Variants in ACP6 observed in about 807,000 individuals in gnomAD.
ACP6 encodes acid phosphatase 6, lysophosphatidic.
Under a neutral mutation model 48.1 loss-of-function variants are expected in ACP6, and 48 were observed. The ratio of observed to expected loss-of-function variants is 1.00; its 90% CI spans 0.79 to 1.27. The LOEUF is 1.27. ACP6 is among the 50% of genes most tolerant of loss of function. ACP6 has a pLI of 0.00. For missense variants in ACP6, 485 were observed against 529.1 expected, an observed-to-expected ratio of 0.92 and a Z score of 0.82; for synonymous variants, 172 against 204.2, an observed-to-expected ratio of 0.84 and a Z score of 1.34.
chr1:147,644,315 A>G lies in ACP6; in HGVS notation c.*3108T>C, dbSNP rs1659544931. 1 of 152,248 alleles carries G rather than the reference A, an allele frequency of 6.6e-6. No individual in the cohort carries two copies. The highest frequency in any genetic ancestry group is 1.5e-5 in the Non-Finnish European group (1 of 68,050). The allele number at this position is 152,248 out of a possible 1,614,324, so 9.4% of individuals were successfully genotyped here. ...ATTATCTGTCAACTAAAAAGAAAGT[A>G]AAAAGTTTTTATTACAAAAAAGAAG... On this transcript the variant is annotated 3_prime_UTR_variant, in exon 10 of 10. Coordinates refer to ENST00000583509, the MANE Select transcript of ACP6 (RefSeq NM_016361.5).
intron 7 of ACP6, 86 bp downstream of exon 7, chr1:147,652,363 G>A (rs1326574914): frequency 2.3e-6 from 3 of 1,332,192 alleles, no homozygotes; most frequent in African/African-American, 1.5e-5. Flanking sequence ...GCTGTCAGGT[G>A]TGAGTGGGCC....
chr1:147,659,345 T>C (rs781881451), intron 3 of ACP6, 51 bp downstream of exon 3: 4 of 1,593,972 alleles, frequency 2.5e-6, no homozygotes, highest in African/African-American at 1.3e-5. Flanking sequence ...ACAGGTATCC[T>C]CATGTTCAAG....
intron 4 of ACP6, among the ~76,000 whole-genome samples, chr1:147,658,500 A>G (rs1464818196): frequency 6.6e-6 from 1 of 152,234 alleles, no homozygotes; most frequent in East Asian, 1.9e-4. Flanking sequence ...GGCTGAATGT[A>G]TCAAAACCCA....
Position 147,648,226 on chromosome 1 carries a change from C to A in ACP6, c.1143+20G>T. The A allele has an allele frequency of 6.2e-7, 1 of 1,613,162 alleles. No homozygotes were observed. Among genetic ancestry groups the A allele is most frequent in the African/African-American group, 1.3e-5 (1 of 75,024 alleles). On this transcript the variant is annotated intron_variant, in intron 9 of 9. Coordinates refer to ENST00000583509, the MANE Select transcript of ACP6 (RefSeq NM_016361.5). Reference sequence around the variant, plus strand: ...AGGAGGGTGCCTCACCACCACCCAACCCCACCTCAGGGGTATTACCTTCCC... The same window carrying A: ...AGGAGGGTGCCTCACCACCACCCAAACCCACCTCAGGGGTATTACCTTCCC...
At chr1:147,632,196 CA>C (rs1313055161) in intron 5 of ACP6, among the ~76,000 whole-genome samples, 1 of 109,816 alleles carries the variant, frequency 9.1e-6, no homozygotes, top group Non-Finnish European at 1.9e-5. Context: ...CTATGCCCAA[CA>C]CACACACACA....
At position 147,642,360 on chromosome 1, in the gene ACP6, C is replaced by T. The variant is rs1486473628; in HGVS notation, c.*5063G>A. ...AAACAACCTTCTATTGAAGGACAAACAGAAACACGGGAGGCCTAGAGATAA... is the reference window on the plus strand; with the variant it reads ...AAACAACCTTCTATTGAAGGACAAATAGAAACACGGGAGGCCTAGAGATAA... On this transcript the variant is annotated 3_prime_UTR_variant, in exon 10 of 10. Transcript: ENST00000583509. 1 of 152,170 alleles carries T rather than the reference C, an allele frequency of 6.6e-6. No individual in the cohort carries two copies. Among genetic ancestry groups the T allele is most frequent in the Non-Finnish European group, 1.5e-5 (1 of 68,068 alleles). The allele number at this position is 152,170 out of a possible 1,614,324, so 9.4% of individuals were successfully genotyped here.
downstream of ACP6, among the ~76,000 whole-genome samples, chr1:147,641,322 C>T (rs587690083): frequency 2.6e-4 from 40 of 152,274 alleles, no homozygotes; most frequent in African/African-American, 9.6e-4. Context: ...GGTTTCTGTC[C>T]CCTTGCTGCA....
In ACP6 at chr1:147,647,520, A is replaced by T. The variant is rs1436939648; in HGVS notation, c.1190T>A (p.Met397Lys). Residue 397 changes from methionine (M) to lysine (K), a missense_variant, in exon 10 of 10, where the codon ATG becomes AAG. Transcript: ENST00000583509. ...ATAAACTGACATGGCATTCAAGAAC[A>T]TGTCCAGCGGGCAGAGCCCATCAGG... The part of the protein sequence containing the change: ...GCPDGLCPLD[M>K]FLNAMSVYTL... 1 of 1,613,952 alleles carries T rather than the reference A, an allele frequency of 6.2e-7. No homozygotes were observed. The highest frequency in any genetic ancestry group is 8.5e-7 in the Non-Finnish European group (1 of 1,180,042).
At chr1:147,634,305 G>A (rs1396577222) in intron 5 of ACP6, among the ~76,000 whole-genome samples, 3 of 152,106 alleles carry the variant, frequency 2.0e-5, no homozygotes, top group African/African-American at 7.2e-5. Flanking sequence ...ATTTTTGGTG[G>A]TGGTTGTGTT....
At chr1:147,657,023 G>T (rs782132390) in intron 4 of ACP6, among the ~76,000 whole-genome samples, 1 of 152,224 alleles carries the variant, frequency 6.6e-6, no homozygotes, top group Non-Finnish European at 1.5e-5. Context: ...TTGAGCATCT[G>T]TAGATTTTGG....
downstream of ACP6, among the ~76,000 whole-genome samples, chr1:147,639,911 G>A (rs1024972149): frequency 6.6e-6 from 1 of 151,830 alleles, no homozygotes; most frequent in East Asian, 1.9e-4. Context: ...CCAGCCTCCC[G>A]GCACACTCCC....
Position 147,647,116 on chromosome 1 carries a change from G to A in ACP6, c.*307C>T, listed in dbSNP as rs1237810435. 3.3e-6 allele frequency: 1 copy of A among 299,364 alleles called. No individual in the cohort carries two copies. Among genetic ancestry groups the A allele is most frequent in the Non-Finnish European group, 6.4e-6 (1 of 156,842 alleles). 18.5% of individuals were successfully genotyped at this position (299,364 alleles called of 1,614,324 possible). ...CAATACATGTGAAATTAATATAGGA[G>A]AAAAGAACTAAAGTCCAAAACCGAC... On this transcript the variant is annotated 3_prime_UTR_variant, in exon 10 of 10. Coordinates refer to ENST00000583509, the MANE Select transcript of ACP6 (RefSeq NM_016361.5).
Position 147,648,228 on chromosome 1 carries a change from C to G in ACP6, c.1143+18G>C, listed in dbSNP as rs782057047. On this transcript the variant is annotated intron_variant, in intron 9 of 9. Transcript: ENST00000583509. ...GAGGGTGCCTCACCACCACCCAACCCCACCTCAGGGGTATTACCTTCCCGT... is the reference window on the plus strand; with the variant it reads ...GAGGGTGCCTCACCACCACCCAACCGCACCTCAGGGGTATTACCTTCCCGT... The G allele has an allele frequency of 5.3e-5, 85 of 1,613,178 alleles. No individual in the cohort carries two copies. The East Asian group carries it at 1.9e-3, about 36-fold the overall frequency.
chr1:147,656,507 C>T (rs1277273912), intron 4 of ACP6, among the ~76,000 whole-genome samples: 4 of 152,114 alleles, frequency 2.6e-5, no homozygotes, highest in African/African-American at 9.7e-5. Context: ...CCAAATGATC[C>T]GATGCCGCCT....
intron 1 of ACP6, among the ~76,000 whole-genome samples, chr1:147,663,619 T>C (rs1161909361): frequency 6.6e-6 from 1 of 152,106 alleles, no homozygotes; most frequent in Non-Finnish European, 1.5e-5. Context: ...AAGATCAGCC[T>C]GGGCAACACA....
At chr1:147,666,715 C>T (rs782065393) in intron 1 of ACP6, among the ~76,000 whole-genome samples, 4 of 152,132 alleles carry the variant, frequency 2.6e-5, no homozygotes, top group African/African-American at 7.2e-5. Context: ...TAGAATCCTT[C>T]GGAGGGAGAC....
At chr1:147,666,374 T>C (rs1660798606) in intron 1 of ACP6, among the ~76,000 whole-genome samples, 1 of 152,204 alleles carries the variant, frequency 6.6e-6, no homozygotes, top group African/African-American at 2.4e-5. Context: ...GATAACCTCT[T>C]ACCAAAGCAC....
rs897571119 is a variant in ACP6 at position 147,648,143 on chromosome 1, A to G, written c.1143+103T>C. On this transcript the variant is annotated intron_variant, in intron 9 of 9. Transcript: ENST00000583509. The stretch of plus-strand genomic sequence containing the variant: ...TTCAGAGAGCTGACTGTGCCAAGAG[A>G]GACTCCACTGGGCCTGAGGAGGGAG... 2.2e-6 allele frequency: 3 copies of G among 1,354,822 alleles called. No homozygotes were observed. The African/African-American group carries it at 4.3e-5, about 20-fold the overall frequency. 83.9% of individuals were successfully genotyped at this position (1,354,822 alleles called of 1,614,324 possible).
intron 1 of ACP6, among the ~76,000 whole-genome samples, chr1:147,662,990 G>C (rs781995588): frequency 3.3e-5 from 5 of 152,178 alleles, no homozygotes; most frequent in Non-Finnish European, 7.4e-5. Context: ...CTGGCAAAAA[G>C]ATCATGACTC....
Sources: gnomAD v4.1 joint callset for allele counts (sites outside exome capture counted in the v4.1 genomes callset) on GRCh38, gnomAD v4.1.1 for gene constraint, MANE v1.5 for transcripts, NCBI Gene and HGNC (gene_info 2026-07-23, HGNC 2026-07-21) for gene names.